Variants in CALCR observed in about 807,000 individuals in gnomAD.
CALCR encodes calcitonin receptor.
Under a neutral mutation model 59.5 loss-of-function variants are expected in CALCR, and 47 were observed. That is an observed-to-expected ratio of 0.79 (90% CI 0.63 to 1.01). CALCR has a LOEUF of 1.01. CALCR is among the 50% of genes least tolerant of loss of function. CALCR has a pLI of 0.00. For synonymous variants in CALCR, 213 were observed against 211.3 expected, an observed-to-expected ratio of 1.01 and a Z score of -0.07; for missense variants, 566 against 597.1, an observed-to-expected ratio of 0.95 and a Z score of 0.54.
Position 93,540,884 on chromosome 7 carries a change from C to T in CALCR, c.-27+33405G>A, listed in dbSNP as rs117677948. Among the ~76,000 whole-genome samples, 254 of 151,540 alleles carry T rather than the reference C, an allele frequency of 1.7e-3. 3 individuals are homozygous for T. In the East Asian group the frequency reaches 0.039, roughly 23 times the overall value. Reference sequence around the variant, plus strand: ...CATTTCTCTGTAAATCAACTTAATTCAGCATCTCTCTTTGCCCACTCATAA... The same window carrying T: ...CATTTCTCTGTAAATCAACTTAATTTAGCATCTCTCTTTGCCCACTCATAA... On this transcript the variant is annotated intron_variant, in intron 2 of 13. Coordinates refer to ENST00000426151, the MANE Select transcript of CALCR (RefSeq NM_001742.4).
chr7:93,537,564 T>C (rs148413973), intron 2 of CALCR, among the ~76,000 whole-genome samples: 10 of 151,950 alleles, frequency 6.6e-5, no homozygotes, highest in African/African-American at 1.7e-4. Flanking sequence ...CCCTTAGTAA[T>C]TAGCTTCTTA....
At chr7:93,537,308 G>T (rs1172615452) in intron 2 of CALCR, among the ~76,000 whole-genome samples, 1 of 151,744 alleles carries the variant, frequency 6.6e-6, no homozygotes, top group East Asian at 1.9e-4. Context: ...CTTCAGATGA[G>T]AAGAATATAG....
At position 93,425,451 on chromosome 7, in the gene CALCR, T is replaced by C. The variant is rs563993815; in HGVS notation, c.*905A>G. On this transcript the variant is annotated 3_prime_UTR_variant, in exon 14 of 14. Transcript: ENST00000426151. Reference sequence around the variant, plus strand: ...GATAGCACCCAAGGGCAAGAGGTAATCTGCTTTATAAACCTTGGAGTAATT... The same window carrying C: ...GATAGCACCCAAGGGCAAGAGGTAACCTGCTTTATAAACCTTGGAGTAATT... 3.9e-4 allele frequency: 59 copies of C among 152,748 alleles called. No individual in the cohort carries two copies. The highest frequency in any genetic ancestry group is 1.2e-3 in the African/African-American group (51 of 41,586). 9.5% of individuals were successfully genotyped at this position (152,748 alleles called of 1,614,324 possible).
intron 2 of CALCR, among the ~76,000 whole-genome samples, chr7:93,491,037 TGGC>T: frequency 6.6e-6 from 1 of 151,994 alleles, no homozygotes; most frequent in African/African-American, 2.4e-5. Context: ...CAAAACAGCA[TGGC>T]ACTGGTACCA....
At chr7:93,438,028 T>G (rs777658423) in intron 11 of CALCR, 32 bp downstream of exon 11, 4 of 1,535,432 alleles carry the variant, frequency 2.6e-6, no homozygotes, top group Non-Finnish European at 3.6e-6. Context: ...GAGATAATAC[T>G]ACTAATATTG....
intron 3 of CALCR, among the ~76,000 whole-genome samples, chr7:93,480,819 G>A (rs146528449): frequency 1.3e-5 from 2 of 151,784 alleles, no homozygotes; most frequent in Admixed American, 6.6e-5. Flanking sequence ...TAGGCACAAG[G>A]GGGGGTCGAG....
chr7:93,491,652 G>A (rs559738592), intron 2 of CALCR, among the ~76,000 whole-genome samples: 32 of 152,006 alleles, frequency 2.1e-4, no homozygotes, highest in African/African-American at 7.7e-4. Flanking sequence ...ATGAAATAAA[G>A]CTCAACATCA....
chr7:93,502,704 T>C (rs1373498285), intron 2 of CALCR, among the ~76,000 whole-genome samples: 1 of 152,098 alleles, frequency 6.6e-6, no homozygotes, highest in Non-Finnish European at 1.5e-5. Context: ...GTAATCTAAA[T>C]GTCCAAAATA....
At chr7:93,522,385 T>C (rs777781700) in intron 2 of CALCR, among the ~76,000 whole-genome samples, 2 of 152,142 alleles carry the variant, frequency 1.3e-5, no homozygotes, top group Non-Finnish European at 2.9e-5. Context: ...AGGAAGTATG[T>C]CCCCATCTAC....
At chr7:93,498,311 C>T (rs1275730864) in intron 2 of CALCR, among the ~76,000 whole-genome samples, 1 of 151,586 alleles carries the variant, frequency 6.6e-6, no homozygotes, top group East Asian at 1.9e-4. Context: ...TACATGACAT[C>T]TAAGTAGTTG....
At chr7:93,461,041 A>G in intron 7 of CALCR, 94 bp from the exon 8 acceptor site, 1 of 1,051,706 alleles carries the variant, frequency 9.5e-7, no homozygotes, top group Non-Finnish European at 1.4e-6. Flanking sequence ...TATTTTCTTT[A>G]AAAAAAAGAT....
intron 6 of CALCR, among the ~76,000 whole-genome samples, chr7:93,469,907 CT>C (rs1472867099): frequency 1.3e-5 from 2 of 151,624 alleles, no homozygotes; most frequent in African/African-American, 4.8e-5. Flanking sequence ...CATTTTGATT[CT>C]TGTCAATTTC....
intron 2 of CALCR, among the ~76,000 whole-genome samples, chr7:93,509,835 A>T (rs1801506014): frequency 2.6e-5 from 4 of 152,188 alleles, no homozygotes; most frequent in Admixed American, 2.0e-4. Flanking sequence ...CTATGGTAAA[A>T]TTAGAAATAT....
At chr7:93,499,306 T>C (rs1282053203) in intron 2 of CALCR, among the ~76,000 whole-genome samples, 3 of 151,776 alleles carry the variant, frequency 2.0e-5, no homozygotes, top group Non-Finnish European at 4.4e-5. Flanking sequence ...AGCAGTCCAC[T>C]GGAACAAAGT....
intron 2 of CALCR, among the ~76,000 whole-genome samples, chr7:93,518,185 A>G (rs1801685985): frequency 1.3e-5 from 2 of 151,670 alleles, no homozygotes. Context: ...CTGGCAAGAT[A>G]GGAATTTAAA....
intron 6 of CALCR, among the ~76,000 whole-genome samples, chr7:93,469,533 GTC>G (rs1235619875): frequency 6.6e-6 from 1 of 151,354 alleles, no homozygotes. Flanking sequence ...TGTCTTCTCT[GTC>G]TCTCTGTTTC....
intron 2 of CALCR, among the ~76,000 whole-genome samples, chr7:93,507,289 A>T (rs1452985456): frequency 1.3e-5 from 2 of 152,088 alleles, no homozygotes; most frequent in African/African-American, 4.8e-5. Context: ...GAAAGTGGTT[A>T]AAAAGAAGTG....
chr7:93,568,533 CTCTCTCTCTCTCTCTCTCTCT>C, intron 2 of CALCR, among the ~76,000 whole-genome samples: 1 of 149,512 alleles, frequency 6.7e-6, no homozygotes, highest in Admixed American at 6.7e-5. Flanking sequence ...CTCTCTCTCT[CTCTCTCTCTCTCTCTCTCTCT>C]CTGTCTCTCT....
At chr7:93,498,513 C>T (rs1045959067) in intron 2 of CALCR, among the ~76,000 whole-genome samples, 6 of 151,474 alleles carry the variant, frequency 4.0e-5, no homozygotes, top group African/African-American at 1.5e-4. Flanking sequence ...CTAATAGCAG[C>T]CATGATAAAG....
Sources: gnomAD v4.1 joint callset for allele counts (sites outside exome capture counted in the v4.1 genomes callset) on GRCh38, gnomAD v4.1.1 for gene constraint, MANE v1.5 for transcripts, NCBI Gene and HGNC (gene_info 2026-07-23, HGNC 2026-07-21) for gene names.